Variants in BCAT1 observed in about 807,000 individuals in gnomAD.
The protein encoded by BCAT1 is branched-chain-amino-acid aminotransferase, cytosolic.
In BCAT1, 48 loss-of-function variants were observed where a neutral mutation model predicts 52.4. That is an observed-to-expected ratio of 0.92 (90% CI 0.73 to 1.16). The LOEUF (loss-of-function observed/expected upper bound fraction) is 1.16, where lower values mean the gene tolerates loss of function less well. Ranked by LOEUF, BCAT1 falls within the 50% of genes most tolerant of loss-of-function variation. The pLI, the probability that BCAT1 is intolerant of heterozygous loss-of-function variation, is 0.00. For synonymous variants in BCAT1, 167 were observed against 161.3 expected (o/e 1.04, Z -0.27); for missense variants, 451 against 457.1 (o/e 0.99, Z 0.12).
chr12:24,847,412 G>GGTGTACAT (rs1941378468), intron 6 of BCAT1, among the ~76,000 whole-genome samples: 2 of 152,218 alleles, frequency 1.3e-5, no homozygotes, highest in African/African-American at 4.8e-5. Context: ...GTTCATTCCT[G>GGTGTACAT]GTGTACATTC....
In BCAT1 at chr12:24,856,198, C is replaced by T. The variant is rs1941675805; in HGVS notation, c.511-6249G>A. Among the ~76,000 whole-genome samples, 3 of 152,196 alleles carry T rather than the reference C, an allele frequency of 2.0e-5. No homozygotes were observed. In the South Asian group the frequency reaches 6.2e-4, roughly 32 times the overall value. The stretch of plus-strand genomic sequence containing the variant: ...CAAATAAACACCCTCCTTTCTCCCA[C>T]TGTAAAACCCCGGTGTGGATGATAG... On this transcript the variant is annotated intron_variant, in intron 5 of 10. Transcript: ENST00000261192.
intron 5 of BCAT1, among the ~76,000 whole-genome samples, chr12:24,859,637 AAAG>A (rs1167412543): frequency 6.6e-6 from 1 of 151,852 alleles, no homozygotes; most frequent in Non-Finnish European, 1.5e-5. Flanking sequence ...AAAAAAAAAA[AAAG>A]GATTTTGCTT....
chr12:24,934,059 T>C (rs1943718794), intron 1 of BCAT1, among the ~76,000 whole-genome samples: 1 of 152,208 alleles, frequency 6.6e-6, no homozygotes, highest in Non-Finnish European at 1.5e-5. Flanking sequence ...TGGTTCCTAG[T>C]TTCTGCCGGC....
At chr12:24,949,113 C>T, upstream of BCAT1, 1 of 603,574 alleles carries the variant, frequency 1.7e-6, no homozygotes, top group Admixed American at 3.1e-5. Flanking sequence ...GACCGGCCCT[C>T]TCGCGGCGGA....
chr12:24,874,156 G>C (rs777556581), intron 5 of BCAT1, among the ~76,000 whole-genome samples: 3 of 151,782 alleles, frequency 2.0e-5, no homozygotes, highest in Non-Finnish European at 2.9e-5. Context: ...TCTACTAAAA[G>C]TACAAAAATT....
chr12:24,898,278 C>A (rs574760570), intron 2 of BCAT1, among the ~76,000 whole-genome samples: 5 of 152,276 alleles, frequency 3.3e-5, no homozygotes, highest in Non-Finnish European at 7.4e-5. Flanking sequence ...GCTCCACATT[C>A]CCTGATGACA....
Position 24,894,330 on chromosome 12 carries a change from G to A in BCAT1, c.224C>T (p.Pro75Leu), listed in dbSNP as rs759573117. The change falls in exon 3 of 11, where the codon CCT (proline) becomes CTT (leucine). Residue 75 changes from proline (P) to leucine (L), a missense_variant. By Grantham distance (98) the Pro-to-Leu change is moderately conservative. Transcript: ENST00000261192. The stretch of plus-strand genomic sequence containing the variant: ...AGGGTGCAATGACAGGTTCTGAAGA[G>A]GCTTGATATGAGGTTTCTCCCATCC... Reference protein sequence around the residue: ...EFGWEKPHIKPLQNLSLHPGS... With the variant: ...EFGWEKPHIKLLQNLSLHPGS... The A allele has an allele frequency of 2.5e-6, 4 of 1,613,964 alleles. No homozygotes were observed. Among genetic ancestry groups the A allele is most frequent in the East Asian group, 4.5e-5 (2 of 44,886 alleles).
At position 24,816,830 on chromosome 12, in the gene BCAT1, T is replaced by G; in HGVS notation, c.*1178A>C. The stretch of plus-strand genomic sequence containing the variant: ...GCATTAGATTCTCATAAGGAGCGCA[T>G]AGCCTAGATCCCTTGCATGCAGAGT... On this transcript the variant is annotated 3_prime_UTR_variant, in exon 11 of 11. Transcript: ENST00000261192. The G allele has an allele frequency of 2.8e-6, 1 of 353,330 alleles. No homozygotes were observed. Among genetic ancestry groups the G allele is most frequent in the South Asian group, 1.5e-4 (1 of 6,548 alleles). 21.9% of individuals were successfully genotyped at this position (353,330 alleles called of 1,614,324 possible).
chr12:24,919,881 G>C (rs181743335), intron 1 of BCAT1, among the ~76,000 whole-genome samples: 86 of 152,258 alleles, frequency 5.6e-4, no homozygotes, highest in Non-Finnish European at 1.0e-3. Context: ...GTTTTATAAG[G>C]GGAAACCCCT....
At chr12:24,919,808 A>C (rs1943475708) in intron 1 of BCAT1, among the ~76,000 whole-genome samples, 1 of 152,216 alleles carries the variant, frequency 6.6e-6, no homozygotes, top group Non-Finnish European at 1.5e-5. Context: ...TAACTGAATC[A>C]TGGGGGCGGT....
At position 24,810,751 on chromosome 12, in the gene BCAT1, T is replaced by C. The variant is rs1939654673; in HGVS notation, c.*7257A>G. 1 of 152,226 alleles carries C rather than the reference T, an allele frequency of 6.6e-6. No homozygotes were observed. The highest frequency in any genetic ancestry group is 6.5e-5 in the Admixed American group (1 of 15,274). 9.4% of individuals were successfully genotyped at this position (152,226 alleles called of 1,614,324 possible). On this transcript the variant is annotated 3_prime_UTR_variant, in exon 11 of 11. Coordinates refer to ENST00000261192, the MANE Select transcript of BCAT1 (RefSeq NM_005504.7). ...TTAAGTTCAGTTTACAGTAACTCTTTGCAAAACTTCAGGTTTTGCTGTACT... is the reference window on the plus strand; with the variant it reads ...TTAAGTTCAGTTTACAGTAACTCTTCGCAAAACTTCAGGTTTTGCTGTACT...
chr12:24,849,293 C>A (rs1202248608), intron 6 of BCAT1, among the ~76,000 whole-genome samples: 1 of 152,216 alleles, frequency 6.6e-6, no homozygotes, highest in Non-Finnish European at 1.5e-5. Context: ...CAGTTGGCAG[C>A]AGGTGTGGCC....
At chr12:24,904,006 C>T (rs960345423) in intron 1 of BCAT1, 2 of 152,190 alleles carry the variant, frequency 1.3e-5, no homozygotes, top group South Asian at 2.1e-4. Flanking sequence ...TCATACAACG[C>T]TACTGATAAT....
chr12:24,852,756 G>A (rs1274510216), intron 5 of BCAT1, among the ~76,000 whole-genome samples: 3 of 152,162 alleles, frequency 2.0e-5, no homozygotes, highest in Admixed American at 6.5e-5. Flanking sequence ...TCAATGCTGA[G>A]AGAAAATGTG....
intron 5 of BCAT1, among the ~76,000 whole-genome samples, chr12:24,868,517 A>C (rs1270905493): frequency 6.6e-6 from 1 of 152,234 alleles, no homozygotes; most frequent in African/African-American, 2.4e-5. Context: ...TGACATATCA[A>C]AACTGGCACT....
chr12:24,823,597 T>C (rs973689840), intron 10 of BCAT1, among the ~76,000 whole-genome samples: 1 of 152,164 alleles, frequency 6.6e-6, no homozygotes, highest in Non-Finnish European at 1.5e-5. Flanking sequence ...GGTAATTGCA[T>C]CATGGGAGCA....
intron 10 of BCAT1, among the ~76,000 whole-genome samples, chr12:24,818,280 CA>C (rs1196960682): frequency 6.6e-6 from 1 of 151,950 alleles, no homozygotes. Context: ...TTTTAAAAAC[CA>C]AATACCTGAA....
chr12:24,832,595 AAAC>A (rs754955653), intron 9 of BCAT1, 125 bp downstream of exon 9: 249 of 1,177,972 alleles, frequency 2.1e-4, no homozygotes, highest in Middle Eastern at 1.2e-3. Context: ...AAATAAAGAA[AAAC>A]AACAACAACG....
intron 2 of BCAT1, among the ~76,000 whole-genome samples, chr12:24,898,520 CTTTTTTTTTT>C (rs71448094): frequency 1.6e-4 from 6 of 38,526 alleles, no homozygotes; most frequent in Admixed American, 5.0e-4. Context: ...TCAGTCAACA[CTTTTTTTTTT>C]TTTTTTTTTT....
Sources: allele counts gnomAD v4.1 joint callset (sites outside exome capture counted in the v4.1 genomes callset), GRCh38; gene constraint gnomAD v4.1.1; transcripts MANE v1.5; gene names NCBI Gene and HGNC (gene_info 2026-07-23, HGNC 2026-07-21).